The following IL1R1 variants were observed in gnomAD, a reference collection of about 807,000 sequenced individuals.
IL1R1 encodes the protein interleukin 1 receptor type 1.
In IL1R1, 22 loss-of-function variants were observed where a neutral mutation model predicts 50.2. The observed-to-expected ratio is 0.44, with a 90% confidence interval of 0.31 to 0.63. The LOEUF is 0.63. Ranked by LOEUF, IL1R1 falls within the 20% of genes least tolerant of loss-of-function variation. The pLI is 0.07. For synonymous variants in IL1R1, 251 were observed against 236.7 expected, an observed-to-expected ratio of 1.06 and a Z score of -0.55; for missense variants, 509 against 676.2, an observed-to-expected ratio of 0.75 and a Z score of 2.74.
chr2:102,107,596 C>A (rs1251252799), intron 1 of IL1R1, among the ~76,000 whole-genome samples: 2 of 152,066 alleles, frequency 1.3e-5, no homozygotes, highest in Non-Finnish European at 2.9e-5. Context: ...ACATATGTAA[C>A]AAACCTGCAT....
chr2:102,129,786 C>G (rs1681929652), intron 1 of IL1R1, among the ~76,000 whole-genome samples: 1 of 152,154 alleles, frequency 6.6e-6, no homozygotes, highest in Non-Finnish European at 1.5e-5. Context: ...TTATGTAGAG[C>G]AGACGTTCTT....
chr2:102,145,667 G>T (rs1332443083), intron 1 of IL1R1, among the ~76,000 whole-genome samples: 1 of 152,214 alleles, frequency 6.6e-6, no homozygotes, highest in Non-Finnish European at 1.5e-5. Flanking sequence ...GACATGTGCA[G>T]TGTAAACCCT....
intron 1 of IL1R1, among the ~76,000 whole-genome samples, chr2:102,085,737 C>T (rs994766265): frequency 5.3e-5 from 8 of 152,000 alleles, no homozygotes; most frequent in Non-Finnish European, 7.4e-5. Flanking sequence ...TCAATTCCCA[C>T]AAAATACCAA....
chr2:102,077,711 A>G (rs1019279354), intron 1 of IL1R1, among the ~76,000 whole-genome samples: 3 of 152,166 alleles, frequency 2.0e-5, no homozygotes, highest in African/African-American at 7.2e-5. Context: ...TGTGAGTTTG[A>G]CATTCAGGTT....
At chr2:102,124,183 A>C (rs1681559965) in intron 1 of IL1R1, among the ~76,000 whole-genome samples, 1 of 152,110 alleles carries the variant, frequency 6.6e-6, no homozygotes. Context: ...GCATTTTGGG[A>C]GGCTGAGGTG....
At chr2:102,144,361 A>G (rs912780641) in intron 1 of IL1R1, among the ~76,000 whole-genome samples, 1 of 152,132 alleles carries the variant, frequency 6.6e-6, no homozygotes, top group Admixed American at 6.5e-5. Flanking sequence ...CATGCTGTTC[A>G]GGAAAGGATA....
At chr2:102,119,071 C>G (rs552868371) in intron 1 of IL1R1, among the ~76,000 whole-genome samples, 1 of 148,242 alleles carries the variant, frequency 6.7e-6, no homozygotes, top group Admixed American at 6.7e-5. Flanking sequence ...TTTTATCTAT[C>G]TCACGTTTAT....
chr2:102,096,484 T>G (rs1679907773), intron 1 of IL1R1, among the ~76,000 whole-genome samples: 1 of 152,216 alleles, frequency 6.6e-6, no homozygotes, highest in Admixed American at 6.5e-5. Flanking sequence ...AGGTATCTTT[T>G]CATTTAGTTT....
chr2:102,090,692 CT>C (rs1230674008), intron 1 of IL1R1, among the ~76,000 whole-genome samples: 1 of 151,958 alleles, frequency 6.6e-6, no homozygotes, highest in Non-Finnish European at 1.5e-5. Flanking sequence ...ATTTTTTATC[CT>C]TTTACCTGTT....
At chr2:102,142,186 T>C (rs1251317645), upstream of IL1R1, 1 of 152,210 alleles carries the variant, frequency 6.6e-6, no homozygotes, top group Non-Finnish European at 1.5e-5. Flanking sequence ...CACTATTTTA[T>C]ATGTATTAGC....
chr2:102,164,287 C>T (rs1684976325), intron 3 of IL1R1, among the ~76,000 whole-genome samples: 1 of 152,110 alleles, frequency 6.6e-6, no homozygotes, highest in Non-Finnish European at 1.5e-5. Flanking sequence ...CTGGGCTTTG[C>T]CTGTGTTTTT....
At chr2:102,157,485 T>C (rs1472511972) in intron 2 of IL1R1, among the ~76,000 whole-genome samples, 4 of 152,164 alleles carry the variant, frequency 2.6e-5, no homozygotes, top group Admixed American at 6.5e-5. Context: ...AAATCTTAAG[T>C]TGTTGAGTTT....
intron 3 of IL1R1, among the ~76,000 whole-genome samples, chr2:102,158,920 G>A (rs925361615): frequency 1.3e-5 from 2 of 152,320 alleles, no homozygotes; most frequent in South Asian, 2.1e-4. Context: ...GTCAAAGGGT[G>A]GCAAGGAGAA....
upstream of IL1R1, among the ~76,000 whole-genome samples, chr2:102,140,952 A>T (rs912497170): frequency 5.9e-5 from 9 of 152,216 alleles, no homozygotes; most frequent in African/African-American, 1.9e-4. Flanking sequence ...CTGAACGGGG[A>T]CAACACTTAA....
In IL1R1 at chr2:102,121,613, C is replaced by A. The variant is rs181808096; in HGVS notation, c.-84+16741C>A. On this transcript the variant is annotated intron_variant, in intron 1 of 10. Coordinates refer to the IL1R1 transcript ENST00000409329. ...CTGTCCAAGTCCAGCCTGGCTTACT[C>A]TAGGGTTTATGGGTCCAGTCTTCCT... Among the ~76,000 whole-genome samples, 35 of 152,346 alleles carry A rather than the reference C, an allele frequency of 2.3e-4. No individual in the cohort carries two copies. The East Asian group carries it at 4.4e-3, about 19-fold the overall frequency.
chr2:102,100,370 G>A (rs1351495451), upstream of IL1R1, among the ~76,000 whole-genome samples: 1 of 152,136 alleles, frequency 6.6e-6, no homozygotes, highest in Non-Finnish European at 1.5e-5. Context: ...GAGCCAGGAT[G>A]GAACCAAATA....
intron 1 of IL1R1, among the ~76,000 whole-genome samples, chr2:102,077,818 A>C (rs2104280523): frequency 6.6e-6 from 1 of 152,340 alleles, no homozygotes; most frequent in Middle Eastern, 3.4e-3. Flanking sequence ...CCATATGTGA[A>C]GACATAAAAC....
At chr2:102,127,987 GT>G (rs774648961) in intron 1 of IL1R1, among the ~76,000 whole-genome samples, 1 of 152,092 alleles carries the variant, frequency 6.6e-6, no homozygotes, top group Non-Finnish European at 1.5e-5. Flanking sequence ...TTATCTTTGA[GT>G]GTTTAGATTT....
intron 1 of IL1R1, among the ~76,000 whole-genome samples, chr2:102,105,653 C>A (rs977388568): frequency 6.6e-6 from 1 of 152,198 alleles, no homozygotes; most frequent in Non-Finnish European, 1.5e-5. Context: ...CATGAGCCAC[C>A]ACGCCTGGCC....
Sources: allele counts gnomAD v4.1 joint callset (sites outside exome capture counted in the v4.1 genomes callset), GRCh38; gene constraint gnomAD v4.1.1; transcripts MANE v1.5; gene names NCBI Gene and HGNC (gene_info 2026-07-23, HGNC 2026-07-21).